Variants in FAT1 observed in about 807,000 individuals in gnomAD.
The protein encoded by FAT1 is protocadherin Fat 1.
A neutral mutation model predicts 329.8 loss-of-function variants in FAT1; 171 were observed. The ratio of observed to expected loss-of-function variants is 0.52; its 90% CI spans 0.46 to 0.59. The LOEUF (loss-of-function observed/expected upper bound fraction) is 0.59, where lower values mean the gene tolerates loss of function less well. FAT1 is among the 20% of genes least tolerant of loss of function. The pLI is 0.00. For missense variants in FAT1, 5,672 were observed against 5,774.4 expected (o/e 0.98, Z 0.57); for synonymous variants, 2,233 against 2,228.6 (o/e 1.00, Z -0.06).
intron 14 of FAT1, among the ~76,000 whole-genome samples, chr4:186,610,884 C>T (rs772743550): frequency 3.3e-5 from 5 of 151,618 alleles, no homozygotes; most frequent in Non-Finnish European, 5.9e-5. Flanking sequence ...AGCTTGTTGG[C>T]GGTCTTTCCC....
intron 2 of FAT1, among the ~76,000 whole-genome samples, chr4:186,672,226 T>C (rs1742762197): frequency 6.6e-6 from 1 of 152,188 alleles, no homozygotes; most frequent in Non-Finnish European, 1.5e-5. Context: ...AAAATTTTAA[T>C]TGCTAGAGAC....
Position 186,707,626 on chromosome 4 carries a change from G to A in FAT1, c.2202C>T (p.Ser734=), listed in dbSNP as rs986082341. 1.2e-6 allele frequency: 2 copies of A among 1,613,978 alleles called. No homozygotes were observed. Among genetic ancestry groups the A allele is most frequent in the African/African-American group, 2.7e-5 (2 of 75,044 alleles). Residue 734 remains serine (S), a synonymous_variant, in exon 2 of 27, where the codon TCC becomes TCT. Transcript: ENST00000441802. The part of the protein sequence containing the change: ...IQVKENQPVG[S]SVIFMNSTDL... ...CAGTGGAGTTCATGAAAATTACACT[G>A]GAACCCACAGGCTGGTTTTCCTTTA... is the stretch of plus-strand genomic sequence containing the variant.
chr4:186,661,532 G>A (rs1742169909), intron 3 of FAT1, among the ~76,000 whole-genome samples: 1 of 152,224 alleles, frequency 6.6e-6, no homozygotes, highest in Non-Finnish European at 1.5e-5. Flanking sequence ...AGGTGAACAA[G>A]AACTCATCCA....
At chr4:186,668,312 G>A (rs1742555831) in intron 2 of FAT1, among the ~76,000 whole-genome samples, 1 of 152,160 alleles carries the variant, frequency 6.6e-6, no homozygotes, top group South Asian at 2.1e-4. Flanking sequence ...TCAGAGGCAA[G>A]ACGAAGGTCC....
Position 186,614,187 on chromosome 4 carries a change from T to C in FAT1, c.9229+4A>G. The C allele has an allele frequency of 3.1e-6, 5 of 1,594,384 alleles. No individual in the cohort carries two copies. Among genetic ancestry groups the C allele is most frequent in the Non-Finnish European group, 8.5e-7 (1 of 1,173,820 alleles). On this transcript the variant is annotated splice_donor_region_variant and intron_variant, in intron 12 of 26. Transcript: ENST00000441802. ...ATTTATTTTGTCCCAAACTCCATCATTACCTGTGTCTGGATTTAGTTTGAA... is the reference window on the plus strand; with the variant it reads ...ATTTATTTTGTCCCAAACTCCATCACTACCTGTGTCTGGATTTAGTTTGAA...
At position 186,707,194 on chromosome 4, in the gene FAT1, G is replaced by A; in HGVS notation, c.2634C>T (p.Asn878=). ...GCTCTCGATCCAGAGGGCGTGCGAT[G>A]TTAACAACACCCGTCACGCTGTCAA... ...FSIDSVTGVV[N]IARPLDRELQ... is the part of the protein sequence containing the mutation. Residue 878 remains asparagine (N), a synonymous_variant, in exon 2 of 27, where the codon AAC becomes AAT. Coordinates refer to ENST00000441802, the MANE Select transcript of FAT1 (RefSeq NM_005245.4). 6.2e-7 allele frequency: 1 copy of A among 1,613,972 alleles called. No homozygotes were observed. Among genetic ancestry groups the A allele is most frequent in the Non-Finnish European group, 8.5e-7 (1 of 1,179,892 alleles).
rs2126503745 is a variant in FAT1, at chr4:186,619,260, A to G, written c.7326T>C (p.Ser2442=). 6.2e-7 allele frequency: 1 copy of G among 1,613,998 alleles called. No individual in the cohort carries two copies. ...GNDHKHFVID[S]ATGIITLSNL... ...TTGAGAGGGTGATAATCCCTGTTGC[A>G]CTGTCAATGACAAAATGTTTATGAT... The change falls in exon 10 of 27, where the codon AGT becomes AGC. Residue 2442 remains serine (S), a synonymous_variant. Transcript: ENST00000441802.
intron 26 of FAT1, among the ~76,000 whole-genome samples, chr4:186,594,885 T>C (rs1389099014): frequency 1.3e-5 from 2 of 151,588 alleles, no homozygotes; most frequent in African/African-American, 4.8e-5. Flanking sequence ...GTATAACATA[T>C]TAATATGTTT....
chr4:186,697,931 T>G (rs917016574), intron 2 of FAT1, among the ~76,000 whole-genome samples: 9 of 152,158 alleles, frequency 5.9e-5, no homozygotes, highest in Non-Finnish European at 8.8e-5. Context: ...TGGTATTGAA[T>G]CAAATCACTG....
At chr4:186,644,242 A>C (rs1449950464) in intron 3 of FAT1, among the ~76,000 whole-genome samples, 1 of 152,212 alleles carries the variant, frequency 6.6e-6, no homozygotes, top group Non-Finnish European at 1.5e-5. Flanking sequence ...TAACGAAAAA[A>C]CCAGGAATGA....
At chr4:186,684,900 G>A (rs954019965) in intron 2 of FAT1, among the ~76,000 whole-genome samples, 12 of 152,028 alleles carry the variant, frequency 7.9e-5, no homozygotes, top group Admixed American at 1.3e-4. Context: ...TTCTTATTTC[G>A]GCAACTCCTT....
At position 186,620,451 on chromosome 4, in the gene FAT1, C is replaced by T. The variant is rs773432395; in HGVS notation, c.6135G>A (p.Glu2045=). 6 of 1,614,048 alleles carry T rather than the reference C, an allele frequency of 3.7e-6. No individual in the cohort carries two copies. The highest frequency in any genetic ancestry group is 5.1e-6 in the Non-Finnish European group (6 of 1,179,906). The part of the protein sequence containing the change: ...TGTPFDREQQ[E]AFDVVVEVTE... ...TCACTTCTACAACCACATCAAACGC[C>T]TCCTGCTGCTCACGATCGAAGGGCG... The change falls in exon 10 of 27, where the codon GAG becomes GAA. Residue 2045 remains glutamate, a synonymous_variant. Transcript: ENST00000441802.
Position 186,597,802 on chromosome 4 carries a change from A to C in FAT1, c.12258-10T>G, listed in dbSNP as rs767217120. 2 of 1,608,478 alleles carry C rather than the reference A, an allele frequency of 1.2e-6. No individual in the cohort carries two copies. The highest frequency in any genetic ancestry group is 1.7e-6 in the Non-Finnish European group (2 of 1,174,968). ...TGGACTAAGCTGACACCTGAAGAGT[A>C]AGGAGAAACAGACATAAACCTCATG... On this transcript the variant is annotated splice_polypyrimidine_tract_variant and intron_variant, in intron 23 of 26. Coordinates refer to ENST00000441802, the MANE Select transcript of FAT1 (RefSeq NM_005245.4).
chr4:186,628,540 GT>G lies in FAT1; in HGVS notation c.4546del (p.Thr1516LeufsTer26). On this transcript the variant is annotated frameshift_variant, in exon 8 of 27. Coordinates refer to ENST00000441802, the MANE Select transcript of FAT1 (RefSeq NM_005245.4). LOFTEE classifies it high-confidence loss of function. ...AGCTTCATGATCCAGTTTCTCAGAA[GT>G]ATAGAGAGAGCCGGTTGCAGGATCA... ...RLDPATGSLY[T>X]SEKLDHEAVH... 1 of 1,614,018 alleles carries G rather than the reference GT, an allele frequency of 6.2e-7. No individual in the cohort carries two copies. The highest frequency in any genetic ancestry group is 8.5e-7 in the Non-Finnish European group (1 of 1,179,902).
intron 3 of FAT1, among the ~76,000 whole-genome samples, chr4:186,640,248 T>A (rs1195191286): frequency 6.6e-6 from 1 of 151,992 alleles, no homozygotes; most frequent in African/African-American, 2.4e-5. Context: ...GGTTATTTTG[T>A]CTACAAACAA....
intron 16 of FAT1, among the ~76,000 whole-genome samples, chr4:186,607,165 C>T (rs1739182596): frequency 6.6e-6 from 1 of 152,188 alleles, no homozygotes. Context: ...CCCCCAAATT[C>T]CTTTAATCTT....
intron 3 of FAT1, among the ~76,000 whole-genome samples, chr4:186,651,735 G>A (rs984311270): frequency 1.3e-5 from 2 of 152,174 alleles, no homozygotes; most frequent in African/African-American, 2.4e-5. Flanking sequence ...GAGCAAACAC[G>A]CAGCTTCTCC....
At chr4:186,649,137 A>G (rs1375217993) in intron 3 of FAT1, among the ~76,000 whole-genome samples, 1 of 152,106 alleles carries the variant, frequency 6.6e-6, no homozygotes. Flanking sequence ...TGGCCGGGAG[A>G]GCCCACCTGA....
intron 7 of FAT1, among the ~76,000 whole-genome samples, chr4:186,629,234 C>A (rs1290874635): frequency 1.3e-5 from 2 of 152,014 alleles, no homozygotes; most frequent in Admixed American, 6.6e-5. Context: ...CATCCCAAGC[C>A]CCTGATCATA....
Sources: allele counts gnomAD v4.1 joint callset (sites outside exome capture counted in the v4.1 genomes callset), GRCh38; gene constraint gnomAD v4.1.1; transcripts MANE v1.5; gene names NCBI Gene and HGNC (gene_info 2026-07-23, HGNC 2026-07-21).